TMEM44: variants seen among roughly 807,000 people sequenced by gnomAD.
The protein encoded by TMEM44 is transmembrane protein 44.
TMEM44 carries 43 observed loss-of-function variants against 47.8 expected under a neutral mutation model. The observed-to-expected ratio is 0.90, with a 90% confidence interval of 0.70 to 1.16. The LOEUF is 1.16. TMEM44 is among the 50% of genes most tolerant of loss of function. The probability of loss-of-function intolerance (pLI) is 0.00; values close to 1 mark genes in which losing one functional copy is unlikely to be tolerated. For synonymous variants in TMEM44, 277 were observed against 238.8 expected, an observed-to-expected ratio of 1.16 and a Z score of -1.48; for missense variants, 568 against 555.2, an observed-to-expected ratio of 1.02 and a Z score of -0.23.
chr3:194,591,990 G>A (rs1161471856), intron 9 of TMEM44, among the ~76,000 whole-genome samples: 3 of 152,098 alleles, frequency 2.0e-5, no homozygotes, highest in Non-Finnish European at 2.9e-5. Flanking sequence ...AGGCCGAGGC[G>A]GGTGGATCAT....
At chr3:194,627,078 C>T (rs750986582) in intron 2 of TMEM44, among the ~76,000 whole-genome samples, 5 of 152,042 alleles carry the variant, frequency 3.3e-5, no homozygotes, top group African/African-American at 7.2e-5. Context: ...CGCGCCACCA[C>T]GCCCAGCTAG....
chr3:194,602,659 C>T (rs552996875), intron 9 of TMEM44, among the ~76,000 whole-genome samples: 77 of 151,192 alleles, frequency 5.1e-4, no homozygotes, highest in African/African-American at 1.8e-3. Flanking sequence ...AGGAAGGAGC[C>T]GCTAGCCTCT....
intron 9 of TMEM44, chr3:194,589,501 G>A (rs1047027970): frequency 6.6e-6 from 1 of 152,150 alleles, no homozygotes; most frequent in Non-Finnish European, 1.5e-5. Flanking sequence ...CGGGAACAGA[G>A]CAAACGTTCG....
chr3:194,611,749 C>T lies in TMEM44; in HGVS notation c.913-729G>A, dbSNP rs770707494. 2.6e-5 allele frequency among the ~76,000 whole-genome samples: 4 copies of T among 152,042 alleles called. No individual in the cohort carries two copies. Among genetic ancestry groups the T allele is most frequent in the Non-Finnish European group, 4.4e-5 (3 of 68,000 alleles). The stretch of plus-strand genomic sequence containing the variant: ...CTAAAATACAGATTGCAGCCGGGCG[C>T]GGTGGCTCACGCCTGTAATCCCAGC... On this transcript the variant is annotated intron_variant, in intron 7 of 9. Coordinates refer to ENST00000347147, the MANE Select transcript of TMEM44 (RefSeq NM_001011655.3). This position sits in a 1 kb window ranked among gnomAD's most constrained non-coding sequence, Gnocchi z 4.2.
intron 5 of TMEM44, chr3:194,617,657 ACGCTGGGCAGCGGCTCGCCAATGTC>A (rs987690524): frequency 4.3e-6 from 3 of 703,998 alleles, no homozygotes; most frequent in Admixed American, 2.0e-5. Flanking sequence ...CCAGCACCTG[ACGCTGGGCAGCGGCTCGCCAATGTC>A]CGCTGGGAGA....
intron 9 of TMEM44, chr3:194,589,834 CCTT>C (rs1327685523): frequency 6.6e-6 from 1 of 152,038 alleles, no homozygotes; most frequent in African/African-American, 2.4e-5. Context: ...CACTAATTTG[CCTT>C]CGTTTTTGGG....
In TMEM44 at chr3:194,611,059, C is replaced by CA. The variant is rs1560177571; in HGVS notation, c.913-40dup. 6.4e-7 allele frequency: 1 copy of CA among 1,562,612 alleles called. No individual in the cohort carries two copies. The highest frequency in any genetic ancestry group is 8.8e-7 in the Non-Finnish European group (1 of 1,135,602). ...GCAGGGAGACAGAAAGGGGAATTCT[C>CA]AAAGTCAGGAGGCATTTTCTAAAAA... On this transcript the variant is annotated intron_variant, in intron 7 of 9. Coordinates refer to ENST00000347147, the MANE Select transcript of TMEM44 (RefSeq NM_001011655.3). This position sits in a 1 kb window ranked among gnomAD's most constrained non-coding sequence, Gnocchi z 4.2.
chr3:194,625,082 C>T (rs1056060338), intron 3 of TMEM44, among the ~76,000 whole-genome samples: 2 of 152,188 alleles, frequency 1.3e-5, no homozygotes, highest in African/African-American at 4.8e-5. Context: ...AAGCCGCAAC[C>T]ACAGACACTC....
rs371922495 is a variant in TMEM44, at chr3:194,610,896, C to T, written c.1017+20G>A. 2 of 1,607,518 alleles carry T rather than the reference C, an allele frequency of 1.2e-6. No homozygotes were observed. Among genetic ancestry groups the T allele is most frequent in the African/African-American group, 2.7e-5 (2 of 74,804 alleles). On this transcript the variant is annotated intron_variant, in intron 8 of 9. Coordinates refer to ENST00000347147, the MANE Select transcript of TMEM44 (RefSeq NM_001011655.3). ...CTTCCCATCCTCTCAGACACCTGGC[C>T]ATGACCGATGGCCACTCACCTGCTG... is the stretch of plus-strand genomic sequence containing the variant.
chr3:194,615,174 G>A (rs1715741980), intron 7 of TMEM44, among the ~76,000 whole-genome samples: 1 of 152,064 alleles, frequency 6.6e-6, no homozygotes, highest in Admixed American at 6.6e-5. Flanking sequence ...TCTGGGAGGC[G>A]GAGGTTGCAG....
intron 9 of TMEM44, among the ~76,000 whole-genome samples, chr3:194,591,433 G>A (rs1712699019): frequency 6.6e-6 from 1 of 152,194 alleles, no homozygotes; most frequent in Non-Finnish European, 1.5e-5. Context: ...GGCGGAGGTT[G>A]CAGTGAGCCG....
intron 5 of TMEM44, among the ~76,000 whole-genome samples, chr3:194,619,270 TAG>T (rs1264276089): frequency 2.6e-5 from 4 of 152,092 alleles, no homozygotes; most frequent in Non-Finnish European, 5.9e-5. Context: ...CTGAAAAAAA[TAG>T]AGAGCTCTAT....
At chr3:194,596,015 C>T (rs893421561) in intron 9 of TMEM44, among the ~76,000 whole-genome samples, 3 of 151,954 alleles carry the variant, frequency 2.0e-5, no homozygotes, top group Admixed American at 6.6e-5. Flanking sequence ...GACAGGACAG[C>T]GAAAGGTAGG....
intron 8 of TMEM44, among the ~76,000 whole-genome samples, chr3:194,606,390 C>A (rs1714778844): frequency 6.6e-6 from 1 of 152,166 alleles, no homozygotes; most frequent in Non-Finnish European, 1.5e-5. Context: ...ACACGGCCAA[C>A]AGGGTGCCTG....
chr3:194,600,709 C>T (rs1157766839), intron 9 of TMEM44, among the ~76,000 whole-genome samples: 1 of 152,100 alleles, frequency 6.6e-6, no homozygotes. Context: ...CGAGACTGCG[C>T]CACGGCACTC....
intron 3 of TMEM44, among the ~76,000 whole-genome samples, chr3:194,624,778 AG>A (rs1182395060): frequency 1.3e-5 from 2 of 150,130 alleles, no homozygotes; most frequent in African/African-American, 4.9e-5. Flanking sequence ...GTTGGAGTGC[AG>A]TTGTGCGATC....
Position 194,588,456 on chromosome 3 carries a change from A to C in TMEM44, c.*73T>G, listed in dbSNP as rs1712133390. 7.3e-7 allele frequency: 1 copy of C among 1,374,718 alleles called. No homozygotes were observed. Among genetic ancestry groups the C allele is most frequent in the African/African-American group, 1.4e-5 (1 of 70,104 alleles). The allele number at this position is 1,374,718 out of a possible 1,614,324, so 85.2% of individuals were successfully genotyped here. A position where few individuals can be genotyped will look rare whatever the true frequency, so the allele number is the denominator to read the frequency against. The stretch of plus-strand genomic sequence containing the variant: ...AGTTCCTGCCGCGGTGTCAGTGCAG[A>C]TTGATTCCCGCTGCGTTACTGAACG... On this transcript the variant is annotated 3_prime_UTR_variant, in exon 10 of 10. Coordinates refer to ENST00000347147, the MANE Select transcript of TMEM44 (RefSeq NM_001011655.3).
chr3:194,598,908 C>CA (rs1713738363), intron 9 of TMEM44, among the ~76,000 whole-genome samples: 1 of 152,162 alleles, frequency 6.6e-6, no homozygotes, highest in African/African-American at 2.4e-5. Flanking sequence ...CAGTGGGAGT[C>CA]AGAGAGCGTT....
intron 9 of TMEM44, chr3:194,588,881 C>T (rs532995653): frequency 2.1e-4 from 108 of 514,246 alleles, no homozygotes; most frequent in African/African-American, 1.9e-3. Flanking sequence ...CTTTCCTTCC[C>T]GCCCTCATTC....
Sources: allele counts gnomAD v4.1 joint callset (sites outside exome capture counted in the v4.1 genomes callset), GRCh38; gene constraint gnomAD v4.1.1; non-coding constraint Gnocchi (gnomAD v3.1); transcripts MANE v1.5; gene names NCBI Gene and HGNC (gene_info 2026-07-23, HGNC 2026-07-21).